ARHGAP32: variants seen among roughly 807,000 people sequenced by gnomAD.
ARHGAP32 encodes the protein rho GTPase-activating protein 32.
Under a neutral mutation model 186.5 loss-of-function variants are expected in ARHGAP32, and 51 were observed. The observed-to-expected ratio is 0.27, with a 90% CI of 0.22 to 0.35. The LOEUF is 0.35. ARHGAP32 is among the 10% of genes least tolerant of loss of function. The probability of loss-of-function intolerance (pLI) is 1.00; values close to 1 mark genes in which losing one functional copy is unlikely to be tolerated. For synonymous variants in ARHGAP32, 950 were observed against 964.3 expected (o/e 0.99, Z 0.27); for missense variants, 2,186 against 2,623.5 (o/e 0.83, Z 3.64).
chr11:129,214,594 A>G (rs1944622339), intron 1 of ARHGAP32, among the ~76,000 whole-genome samples: 1 of 152,118 alleles, frequency 6.6e-6, no homozygotes, highest in Non-Finnish European at 1.5e-5. Flanking sequence ...TGTTGCCTTC[A>G]CTCTGCTCTC....
chr11:129,120,400 C>T (rs1942494430), intron 5 of ARHGAP32, among the ~76,000 whole-genome samples: 1 of 151,994 alleles, frequency 6.6e-6, no homozygotes, highest in Non-Finnish European at 1.5e-5. Context: ...GCAGGGAAGT[C>T]AGTTGGATAT....
intron 2 of ARHGAP32, among the ~76,000 whole-genome samples, chr11:129,155,870 G>A (rs570085014): frequency 6.6e-6 from 1 of 152,260 alleles, no homozygotes; most frequent in Non-Finnish European, 1.5e-5. Context: ...TACAACTGCA[G>A]GACTCGACCC....
chr11:129,256,143 T>C (rs1945251392), intron 1 of ARHGAP32, among the ~76,000 whole-genome samples: 1 of 152,092 alleles, frequency 6.6e-6, no homozygotes, highest in Non-Finnish European at 1.5e-5. Context: ...AAATCCATGC[T>C]GTTAGAAGCC....
intron 11 of ARHGAP32, among the ~76,000 whole-genome samples, chr11:129,008,608 T>C (rs565128821): frequency 2.0e-5 from 3 of 152,304 alleles, no homozygotes; most frequent in Non-Finnish European, 4.4e-5. Context: ...GTAAAAGTCT[T>C]GGACAAAGTA....
chr11:129,193,499 A>ATATAT (rs1242161315), upstream of ARHGAP32, among the ~76,000 whole-genome samples: 2 of 64,374 alleles, frequency 3.1e-5, 1 homozygote, highest in African/African-American at 1.3e-4. Flanking sequence ...AAAAAAAAAA[A>ATATAT]ATATATATAT....
At chr11:128,996,980 T>C (rs771704342) in intron 12 of ARHGAP32, among the ~76,000 whole-genome samples, 1 of 152,158 alleles carries the variant, frequency 6.6e-6, no homozygotes, top group Non-Finnish European at 1.5e-5. Flanking sequence ...GGTCTTGCCA[T>C]GTTGTGTAGG....
At chr11:129,241,324 A>T (rs935577214) in intron 1 of ARHGAP32, among the ~76,000 whole-genome samples, 3 of 152,220 alleles carry the variant, frequency 2.0e-5, no homozygotes, top group African/African-American at 7.2e-5. Context: ...ATCAAGTGTT[A>T]TAATAGCCAA....
At chr11:129,127,595 T>C (rs1420451758) in intron 2 of ARHGAP32, among the ~76,000 whole-genome samples, 1 of 151,944 alleles carries the variant, frequency 6.6e-6, no homozygotes, top group African/African-American at 2.4e-5. Flanking sequence ...GTACTATTAT[T>C]CAATCACCTG....
chr11:129,131,839 G>A (rs1355106873), intron 2 of ARHGAP32, among the ~76,000 whole-genome samples: 1 of 152,162 alleles, frequency 6.6e-6, no homozygotes, highest in Non-Finnish European at 1.5e-5. Flanking sequence ...AGTCTGTGGG[G>A]ATAACCCTTG....
intron 6 of ARHGAP32, among the ~76,000 whole-genome samples, chr11:129,070,218 G>T (rs1303946577): frequency 2.6e-5 from 4 of 151,998 alleles, no homozygotes; most frequent in Admixed American, 6.6e-5. Flanking sequence ...AGTAACTGGG[G>T]TTGTCAGAAG....
intron 1 of ARHGAP32, among the ~76,000 whole-genome samples, chr11:129,171,333 G>C (rs941786318): frequency 1.3e-5 from 2 of 152,130 alleles, no homozygotes; most frequent in African/African-American, 4.8e-5. Context: ...AATCCATCCT[G>C]AGTTAATTTT....
intron 10 of ARHGAP32, among the ~76,000 whole-genome samples, chr11:129,050,273 A>T (rs1353583895): frequency 6.6e-6 from 1 of 152,200 alleles, no homozygotes; most frequent in Non-Finnish European, 1.5e-5. Flanking sequence ...TTGATGTTGG[A>T]TATCTATGTA....
rs145257689 is a variant in ARHGAP32 at position 129,238,959 on chromosome 11, C to A, written c.-5+40187G>T. On this transcript the variant is annotated intron_variant, in intron 1 of 6. Transcript: ENST00000525234. ...AAGTGATCCTCCCACCTCAGCCTCC[C>A]CAATAGCTGGGACTACAGGCACATA... is the stretch of plus-strand genomic sequence containing the variant. Among the ~76,000 whole-genome samples the A allele has an allele frequency of 3.0e-3, 457 of 152,188 alleles. 4 individuals are homozygous for A. The highest frequency in any genetic ancestry group is 0.011 in the African/African-American group (444 of 41,520).
At chr11:129,055,460 T>C (rs188055441) in intron 10 of ARHGAP32, among the ~76,000 whole-genome samples, 7 of 152,368 alleles carry the variant, frequency 4.6e-5, no homozygotes, top group Admixed American at 2.6e-4. Flanking sequence ...TGAAAACTTA[T>C]GTCCACACAA....
chr11:129,039,875 G>GCTTCAAAA (rs1565390588), intron 11 of ARHGAP32, among the ~76,000 whole-genome samples: 7 of 152,304 alleles, frequency 4.6e-5, no homozygotes, highest in African/African-American at 1.7e-4. Flanking sequence ...AAAAAGAACT[G>GCTTCAAAA]AGAATCCTGA....
intron 1 of ARHGAP32, among the ~76,000 whole-genome samples, chr11:129,266,821 T>C (rs904772570): frequency 2.6e-5 from 4 of 152,128 alleles, no homozygotes; most frequent in African/African-American, 9.7e-5. Flanking sequence ...ATCTGCAGCC[T>C]ACGTGCCCCA....
At chr11:129,134,059 T>C (rs1483943893) in intron 2 of ARHGAP32, among the ~76,000 whole-genome samples, 1 of 152,046 alleles carries the variant, frequency 6.6e-6, no homozygotes, top group Non-Finnish European at 1.5e-5. Context: ...AAGTATAATA[T>C]GAAAAGTTTA....
intron 5 of ARHGAP32, among the ~76,000 whole-genome samples, chr11:129,103,999 A>T (rs997282196): frequency 6.6e-6 from 1 of 152,132 alleles, no homozygotes; most frequent in African/African-American, 2.4e-5. Flanking sequence ...AACACCTAAC[A>T]TCTCAACAGT....
intron 5 of ARHGAP32, among the ~76,000 whole-genome samples, chr11:129,099,296 C>T (rs1445004221): frequency 6.6e-6 from 1 of 152,170 alleles, no homozygotes; most frequent in Non-Finnish European, 1.5e-5. Context: ...TCTTACTGTA[C>T]CTCTTCCATG....
Sources: gnomAD v4.1 joint callset for allele counts (sites outside exome capture counted in the v4.1 genomes callset) on GRCh38, gnomAD v4.1.1 for gene constraint, MANE v1.5 for transcripts, NCBI Gene and HGNC (gene_info 2026-07-23, HGNC 2026-07-21) for gene names.